BHLHE22: variants seen among roughly 807,000 people sequenced by gnomAD.
BHLHE22 encodes the protein class E basic helix-loop-helix protein 22.
In BHLHE22, 8 loss-of-function variants were observed where a neutral mutation model predicts 17.6. The observed-to-expected ratio is 0.45, with a 90% CI of 0.27 to 0.82. The LOEUF (loss-of-function observed/expected upper bound fraction) is 0.82, where lower values mean the gene tolerates loss of function less well. Ranked by LOEUF, BHLHE22 falls within the 40% of genes least tolerant of loss-of-function variation. The pLI is 0.16. For missense variants in BHLHE22, 570 were observed against 581.5 expected, an observed-to-expected ratio of 0.98 and a Z score of 0.20; for synonymous variants, 353 against 282.7, an observed-to-expected ratio of 1.25 and a Z score of -2.49.
Position 64,582,078 on chromosome 8 carries a change from A to G in BHLHE22, c.*142A>G, listed in dbSNP as rs1441703384. Reference sequence around the variant, plus strand: ...GCAGAGGCAAGAACTGAGGAGAAGTATCAGAGACAAACGGGACTTTTAGCC... The same window carrying G: ...GCAGAGGCAAGAACTGAGGAGAAGTGTCAGAGACAAACGGGACTTTTAGCC... On this transcript the variant is annotated 3_prime_UTR_variant, in exon 1 of 1. Transcript: ENST00000321870. The G allele has an allele frequency of 3.8e-6, 4 of 1,046,360 alleles. No homozygotes were observed. Among genetic ancestry groups the G allele is most frequent in the Non-Finnish European group, 5.5e-6 (4 of 723,790 alleles). 64.8% of individuals were successfully genotyped at this position (1,046,360 alleles called of 1,614,324 possible).
rs766580121 is a variant in BHLHE22 at position 64,580,888 on chromosome 8, C to T, written c.98C>T (p.Ala33Val). 6.6e-7 allele frequency: 1 copy of T among 1,521,076 alleles called. No homozygotes were observed. Among genetic ancestry groups the T allele is most frequent in the Non-Finnish European group, 8.7e-7 (1 of 1,145,224 alleles). The allele number at this position is 1,521,076 out of a possible 1,614,324, so 94.2% of individuals were successfully genotyped here. Residue 33 changes from alanine to valine, a missense_variant, in exon 1 of 1, where the codon GCG becomes GTG. Ala to Val is a moderately conservative substitution (Grantham distance 64). Transcript: ENST00000321870. ...GCCTCCACCTCCAAGCGCTTGGAAG[C>T]GGCTTTCCGCTCCACGCCCCCGGGC... ...LSASTSKRLE[A>V]AFRSTPPGMD...
Position 64,581,216 on chromosome 8 carries a change from C to G in BHLHE22, c.426C>G (p.Ser142Arg). ...SASRGSVAES[S>R]GGEQSPDDDS... ...GCCGGGGCTCGGTGGCCGAGAGCAG[C>G]GGCGGCGAGCAGAGCCCCGACGACG... is the stretch of plus-strand genomic sequence containing the variant. The change falls in exon 1 of 1, where the codon AGC (serine) becomes AGG (arginine). Residue 142 changes from serine to arginine, a missense_variant. Around this residue, in one of 3 missense-constraint regions of BHLHE22, gnomAD observed 427 missense variants for 376.2 expected, o/e 1.14. Coordinates refer to ENST00000321870, the MANE Select transcript of BHLHE22 (RefSeq NM_152414.5). This position sits in a 1 kb window ranked among gnomAD's most constrained non-coding sequence, Gnocchi z 6.4. The G allele has an allele frequency of 6.9e-7, 1 of 1,453,520 alleles. No homozygotes were observed. Among genetic ancestry groups the G allele is most frequent in the Non-Finnish European group, 9.0e-7 (1 of 1,115,042 alleles). The allele number at this position is 1,453,520 out of a possible 1,614,324, so 90.0% of individuals were successfully genotyped here.
rs1462137483 is a variant in BHLHE22, at chr8:64,581,736, A to C, written c.946A>C (p.Ile316Leu). The C allele has an allele frequency of 1.2e-6, 2 of 1,602,280 alleles. No individual in the cohort carries two copies. Among genetic ancestry groups the C allele is most frequent in the South Asian group, 2.2e-5 (2 of 89,988 alleles). Residue 316 changes from isoleucine to leucine, a missense_variant, in exon 1 of 1, where the codon ATC becomes CTC. Coordinates refer to ENST00000321870, the MANE Select transcript of BHLHE22 (RefSeq NM_152414.5). The surrounding 1 kb of genome is among the most constrained non-coding windows in gnomAD (Gnocchi z 6.4). The stretch of plus-strand genomic sequence containing the variant: ...CGCCTACCTCAACCAGGGCCAGGCC[A>C]TCTCGGCTGCCTCCCTGCCCAGCTC... ...LVAYLNQGQA[I>L]SAASLPSSAA...
At position 64,581,576 on chromosome 8, in the gene BHLHE22, G is replaced by C. The variant is rs989391532; in HGVS notation, c.786G>C (p.Leu262=). Residue 262 remains leucine, a synonymous_variant, in exon 1 of 1, where the codon CTG becomes CTC. Coordinates refer to ENST00000321870, the MANE Select transcript of BHLHE22 (RefSeq NM_152414.5). This position sits in a 1 kb window ranked among gnomAD's most constrained non-coding sequence, Gnocchi z 6.4. ...RRRMHDLNDA[L]DELRAVIPYA... ...GGATGCACGACCTGAACGACGCGCT[G>C]GACGAGCTGCGCGCGGTGATCCCCT... 2 of 1,612,018 alleles carry C rather than the reference G, an allele frequency of 1.2e-6. No individual in the cohort carries two copies. Among genetic ancestry groups the C allele is most frequent in the African/African-American group, 2.7e-5 (2 of 74,926 alleles).
Position 64,581,525 on chromosome 8 carries a change from T to A in BHLHE22, c.735T>A (p.Leu245=), listed in dbSNP as rs773994730. Residue 245 remains leucine (L), a synonymous_variant, in exon 1 of 1, where the codon CTT becomes CTA. Transcript: ENST00000321870. The surrounding 1 kb of genome is among the most constrained non-coding windows in gnomAD (Gnocchi z 6.4). ...CCAAAGAGCAAAAGGCGCTGCGGCT[T>A]AACATCAATGCCCGAGAGCGCCGGC... The part of the protein sequence containing the change: ...KKSKEQKALR[L]NINARERRRM... 28 of 1,606,374 alleles carry A rather than the reference T, an allele frequency of 1.7e-5. No homozygotes were observed. The highest frequency in any genetic ancestry group is 8.8e-5 in the South Asian group (8 of 90,688).
In BHLHE22 at chr8:64,581,198, C is replaced by A; in HGVS notation, c.408C>A (p.Gly136=). The A allele has an allele frequency of 6.9e-7, 1 of 1,441,530 alleles. No homozygotes were observed. The allele number at this position is 1,441,530 out of a possible 1,614,324, so 89.3% of individuals were successfully genotyped here. The part of the protein sequence containing the change: ...CLKYGESASR[G]SVAESSGGEQ... The stretch of plus-strand genomic sequence containing the variant: ...AGTACGGCGAAAGCGCGAGCCGGGG[C>A]TCGGTGGCCGAGAGCAGCGGCGGCG... Residue 136 remains glycine, a synonymous_variant, in exon 1 of 1, where the codon GGC becomes GGA. Coordinates refer to ENST00000321870, the MANE Select transcript of BHLHE22 (RefSeq NM_152414.5). This position sits in a 1 kb window ranked among gnomAD's most constrained non-coding sequence, Gnocchi z 6.4.
Position 64,580,780 on chromosome 8 carries a change from GGCGCGGGACCATGGA to G in BHLHE22, c.-2_13del. ...GGCGCGGCGGCCCGGGCTGCGCGCCGGCGCGGGACCATGGAGCGCGGGATGCACCTCGGTGCAGCG... is the reference window on the plus strand; with the variant it reads ...GGCGCGGCGGCCCGGGCTGCGCGCCGGCGCGGGATGCACCTCGGTGCAGCG... On this transcript the variant is annotated start_lost and 5_prime_UTR_variant, in exon 1 of 1. Transcript: ENST00000321870. 8.2e-7 allele frequency: 1 copy of G among 1,217,390 alleles called. No individual in the cohort carries two copies. The highest frequency in any genetic ancestry group is 1.0e-6 in the Non-Finnish European group (1 of 980,572). 75.4% of individuals were successfully genotyped at this position (1,217,390 alleles called of 1,614,324 possible).
Position 64,581,311 on chromosome 8 carries a change from G to A in BHLHE22, c.521G>A (p.Gly174Glu). 2 of 1,431,578 alleles carry A rather than the reference G, an allele frequency of 1.4e-6. No homozygotes were observed. The highest frequency in any genetic ancestry group is 1.8e-6 in the Non-Finnish European group (2 of 1,105,474). 88.7% of individuals were successfully genotyped at this position (1,431,578 alleles called of 1,614,324 possible). ...VADPRASPGA[G>E]GGGAKAAEGC... ...GACCCGCGGGCCTCCCCGGGAGCGG[G>A]AGGTGGTGGCGCGAAGGCAGCCGAG... The change falls in exon 1 of 1, where the codon GGA (glycine) becomes GAA (glutamate). Residue 174 changes from glycine to glutamate, a missense_variant. Gly to Glu is a moderately conservative substitution (Grantham distance 98). Transcript: ENST00000321870. The surrounding 1 kb of genome is among the most constrained non-coding windows in gnomAD (Gnocchi z 6.4).
At position 64,580,994 on chromosome 8, in the gene BHLHE22, T is replaced by A; in HGVS notation, c.204T>A (p.Ala68=). 7.4e-7 allele frequency: 1 copy of A among 1,346,612 alleles called. No homozygotes were observed. Among genetic ancestry groups the A allele is most frequent in the East Asian group, 3.0e-5 (1 of 33,366 alleles). 83.4% of individuals were successfully genotyped at this position (1,346,612 alleles called of 1,614,324 possible). Residue 68 remains alanine, a synonymous_variant, in exon 1 of 1, where the codon GCT becomes GCA. Coordinates refer to ENST00000321870, the MANE Select transcript of BHLHE22 (RefSeq NM_152414.5). ...CGCCCCTGGGCTGCTTCGAGCCGGC[T>A]GACCCCGAGGGGGCAGGGCTGCTGT... ...SSSPLGCFEP[A]DPEGAGLLLP...
In BHLHE22 at chr8:64,581,042, CGGCGGCAGCGCGGGAAGT is replaced by C. The variant is rs1314051607; in HGVS notation, c.259_276del (p.Ser87_Gly92del). 4 of 1,325,606 alleles carry C rather than the reference CGGCGGCAGCGCGGGAAGT, an allele frequency of 3.0e-6. No homozygotes were observed. The highest frequency in any genetic ancestry group is 8.3e-5 in the Admixed American group (2 of 24,112). 82.1% of individuals were successfully genotyped at this position (1,325,606 alleles called of 1,614,324 possible). Reference sequence around the variant, plus strand: ...TGTTGCCGCCGCCTGGAGGAGGCGGCGGCGGCAGCGCGGGAAGTGGCGGCGGCGGCGGCGGCGGGGTGG... The same window carrying C: ...TGTTGCCGCCGCCTGGAGGAGGCGGCGGCGGCGGCGGCGGCGGCGGGGTGG... On this transcript the variant is annotated inframe_deletion, in exon 1 of 1. Transcript: ENST00000321870. This position sits in a 1 kb window ranked among gnomAD's most constrained non-coding sequence, Gnocchi z 6.4.
rs961375233 is a variant in BHLHE22 at position 64,581,302 on chromosome 8, C to G, written c.512C>G (p.Pro171Arg). 2 of 1,429,974 alleles carry G rather than the reference C, an allele frequency of 1.4e-6. No individual in the cohort carries two copies. Among genetic ancestry groups the G allele is most frequent in the Admixed American group, 6.3e-5 (2 of 31,888 alleles). 88.6% of individuals were successfully genotyped at this position (1,429,974 alleles called of 1,614,324 possible). The part of the protein sequence containing the change: ...RAGVADPRAS[P>R]GAGGGGAKAA... ...GGAGTAGCCGACCCGCGGGCCTCCC[C>G]GGGAGCGGGAGGTGGTGGCGCGAAG... The change falls in exon 1 of 1, where the codon CCG becomes CGG. Residue 171 changes from proline to arginine, a missense_variant. Transcript: ENST00000321870. This position sits in a 1 kb window ranked among gnomAD's most constrained non-coding sequence, Gnocchi z 6.4.
rs564481509 is a variant in BHLHE22, at chr8:64,582,045, C to G, written c.*109C>G. On this transcript the variant is annotated 3_prime_UTR_variant, in exon 1 of 1. Transcript: ENST00000321870. The stretch of plus-strand genomic sequence containing the variant: ...TCGTAGTTGTGAAACACTTGCAGAG[C>G]AAACAAAGCAGAGGCAAGAACTGAG... The G allele has an allele frequency of 6.8e-6, 8 of 1,179,792 alleles. No individual in the cohort carries two copies. In the East Asian group the frequency reaches 3.0e-4, roughly 44 times the overall value. The allele number at this position is 1,179,792 out of a possible 1,614,324, so 73.1% of individuals were successfully genotyped here. A position where few individuals can be genotyped will look rare whatever the true frequency, so the allele number is the denominator to read the frequency against.
In BHLHE22 at chr8:64,580,963, C is replaced by T. The variant is rs1375510423; in HGVS notation, c.173C>T (p.Ser58Phe). The part of the protein sequence containing the change: ...PPPRERPASS[S>F]SSPLGCFEPA... ...CCTCGGGAACGCCCGGCGTCCTCCTCCTCGTCGCCCCTGGGCTGCTTCGAG... is the reference window on the plus strand; with the variant it reads ...CCTCGGGAACGCCCGGCGTCCTCCTTCTCGTCGCCCCTGGGCTGCTTCGAG... Residue 58 changes from serine (S) to phenylalanine (F), a missense_variant, in exon 1 of 1, where the codon TCC (serine) becomes TTC (phenylalanine). Coordinates refer to ENST00000321870, the MANE Select transcript of BHLHE22 (RefSeq NM_152414.5). 6.3e-6 allele frequency: 9 copies of T among 1,438,100 alleles called. No homozygotes were observed. The highest frequency in any genetic ancestry group is 7.3e-6 in the Non-Finnish European group (8 of 1,100,832). The allele number at this position is 1,438,100 out of a possible 1,614,324, so 89.1% of individuals were successfully genotyped here.
In BHLHE22 at chr8:64,581,337, G is replaced by A. The variant is rs754840450; in HGVS notation, c.547G>A (p.Gly183Ser). 4.8e-6 allele frequency: 7 copies of A among 1,464,100 alleles called. No individual in the cohort carries two copies. In the Admixed American group the frequency reaches 1.6e-4, roughly 33 times the overall value. The allele number at this position is 1,464,100 out of a possible 1,614,324, so 90.7% of individuals were successfully genotyped here. A position where few individuals can be genotyped will look rare whatever the true frequency, so the allele number is the denominator to read the frequency against. Residue 183 changes from glycine (G) to serine (S), a missense_variant, in exon 1 of 1, where the codon GGC becomes AGC. Physicochemically the swap from Gly to Ser is moderately conservative, Grantham distance 56. Around this residue, in one of 3 missense-constraint regions of BHLHE22, gnomAD observed 427 missense variants for 376.2 expected, o/e 1.14. Transcript: ENST00000321870. The surrounding 1 kb of genome is among the most constrained non-coding windows in gnomAD (Gnocchi z 6.4). ...AGGGGAKAAE[G>S]CSNAHLHGGA... ...AGGTGGTGGCGCGAAGGCAGCCGAGGGCTGCTCCAATGCCCACCTCCACGG... is the reference window on the plus strand; with the variant it reads ...AGGTGGTGGCGCGAAGGCAGCCGAGAGCTGCTCCAATGCCCACCTCCACGG...
In BHLHE22 at chr8:64,581,021, G is replaced by A. The variant is rs1360364040; in HGVS notation, c.231G>A (p.Leu77=). ...ACCCCGAGGGGGCAGGGCTGCTGTT[G>A]CCGCCGCCTGGAGGAGGCGGCGGCG... ...PADPEGAGLL[L]PPPGGGGGGS... Residue 77 remains leucine (L), a synonymous_variant, in exon 1 of 1, where the codon TTG becomes TTA. Transcript: ENST00000321870. This position sits in a 1 kb window ranked among gnomAD's most constrained non-coding sequence, Gnocchi z 6.4. The A allele has an allele frequency of 9.8e-6, 13 of 1,323,916 alleles. No homozygotes were observed. The allele number at this position is 1,323,916 out of a possible 1,614,324, so 82.0% of individuals were successfully genotyped here.
At position 64,581,847 on chromosome 8, in the gene BHLHE22, C is replaced by T. The variant is rs528823279; in HGVS notation, c.1057C>T (p.Leu353=). ...QAAGYPFSAG[L]PPAASCPEKC... ...AGCCGGCTACCCGTTCAGCGCCGGA[C>T]TGCCCCCGGCTGCCTCCTGCCCGGA... The change falls in exon 1 of 1, where the codon CTG becomes TTG. Residue 353 remains leucine, a synonymous_variant. Transcript: ENST00000321870. The surrounding 1 kb of genome is among the most constrained non-coding windows in gnomAD (Gnocchi z 6.4). The T allele has an allele frequency of 6.2e-7, 1 of 1,607,104 alleles. No homozygotes were observed. The highest frequency in any genetic ancestry group is 1.7e-5 in the Admixed American group (1 of 59,858).
rs1285732611 is a variant in BHLHE22 at position 64,583,314 on chromosome 8, G to A, written c.*1378G>A. On this transcript the variant is annotated 3_prime_UTR_variant, in exon 1 of 1. Coordinates refer to ENST00000321870, the MANE Select transcript of BHLHE22 (RefSeq NM_152414.5). The stretch of plus-strand genomic sequence containing the variant: ...AAGAAAGAAAACTAAGGAAGAACAA[G>A]AAGCTATTTACCCAAAGTGAGCTTT... 1 of 167,076 alleles carries A rather than the reference G, an allele frequency of 6.0e-6. No homozygotes were observed. 10.3% of individuals were successfully genotyped at this position (167,076 alleles called of 1,614,324 possible). A position where few individuals can be genotyped will look rare whatever the true frequency, so the allele number is the denominator to read the frequency against.
Position 64,581,463 on chromosome 8 carries a change from GGCAGCAGCAGCAGCAGCA to G in BHLHE22, c.686_703del (p.Ser229_Ser234del), listed in dbSNP as rs34265378. 7.4e-5 allele frequency: 108 copies of G among 1,450,650 alleles called. No homozygotes were observed. The highest frequency in any genetic ancestry group is 9.3e-5 in the Non-Finnish European group (100 of 1,072,926). The allele number at this position is 1,450,650 out of a possible 1,614,324, so 89.9% of individuals were successfully genotyped here. On this transcript the variant is annotated inframe_deletion, in exon 1 of 1. Coordinates refer to ENST00000321870, the MANE Select transcript of BHLHE22 (RefSeq NM_152414.5). The surrounding 1 kb of genome is among the most constrained non-coding windows in gnomAD (Gnocchi z 6.4). ...TGGCGGTAGCGGTAGCGGCAGCGGC[GGCAGCAGCAGCAGCAGCA>G]GCAGCAGCAGCAAGAAATCCAAAGA...
Position 64,583,461 on chromosome 8 carries a change from C to T in BHLHE22, c.*1525C>T, listed in dbSNP as rs774402532. The stretch of plus-strand genomic sequence containing the variant: ...TGCAGATAATACAAATTCAGTTTGT[C>T]AGGTTGGATGGTGAGTTGGGAGCTG... On this transcript the variant is annotated 3_prime_UTR_variant, in exon 1 of 1. Transcript: ENST00000321870. 1 of 166,956 alleles carries T rather than the reference C, an allele frequency of 6.0e-6. No homozygotes were observed. The highest frequency in any genetic ancestry group is 2.4e-5 in the African/African-American group (1 of 41,388). The allele number at this position is 166,956 out of a possible 1,614,324, so 10.3% of individuals were successfully genotyped here. A position where few individuals can be genotyped will look rare whatever the true frequency, so the allele number is the denominator to read the frequency against.
Sources: gnomAD v4.1 joint callset for allele counts on GRCh38, gnomAD v4.1.1 for gene constraint, gnomAD v4.1.1 regional missense constraint, Gnocchi (gnomAD v3.1) non-coding constraint, MANE v1.5 for transcripts, NCBI Gene and HGNC (gene_info 2026-07-23, HGNC 2026-07-21) for gene names.